The following SLC5A1 variants were observed in gnomAD, a reference collection of about 807,000 sequenced individuals.
SLC5A1 encodes the protein sodium/glucose cotransporter 1.
Under a neutral mutation model 73.5 loss-of-function variants are expected in SLC5A1, and 42 were observed. That is an observed-to-expected ratio of 0.57 (90% CI 0.45 to 0.74). The LOEUF is 0.74. SLC5A1 is among the 30% of genes least tolerant of loss of function. The pLI, the probability that SLC5A1 is intolerant of heterozygous loss-of-function variation, is 0.00. For missense variants in SLC5A1, 634 were observed against 855.4 expected (o/e 0.74, Z 3.23); for synonymous variants, 300 against 317.4 (o/e 0.95, Z 0.58).
At chr22:32,084,768 G>A in intron 8 of SLC5A1, 109 bp downstream of exon 8, 1 of 1,506,996 alleles carries the variant, frequency 6.6e-7, no homozygotes, top group Non-Finnish European at 9.2e-7. Context: ...GAGCTCAGGT[G>A]GTTTGTAAGT....
rs752826438 is a variant in SLC5A1, at chr22:32,091,612, G to T, written c.1130G>T (p.Gly377Val). 1 of 1,613,978 alleles carries T rather than the reference G, an allele frequency of 6.2e-7. No individual in the cohort carries two copies. Among genetic ancestry groups the T allele is most frequent in the Non-Finnish European group, 8.5e-7 (1 of 1,179,962 alleles). ...CCACTCAAAAATCCTTCTCTTCCAG[G>T]ACTGCGAGGCCTGATGCTATCAGTC... ...PTLVVELMPN[G>V]LRGLMLSVML... is the part of the protein sequence containing the mutation. The change falls in exon 11 of 15, where the codon GGA becomes GTA. Residue 377 changes from glycine to valine, a missense_variant and splice_region_variant. Physicochemically the swap from Gly to Val is moderately radical, Grantham distance 109. Coordinates refer to ENST00000266088, the MANE Select transcript of SLC5A1 (RefSeq NM_000343.4).
At position 32,091,623 on chromosome 22, in the gene SLC5A1, C is replaced by T; in HGVS notation, c.1141C>T (p.Leu381=). The change falls in exon 11 of 15, where the codon CTG becomes TTG. Residue 381 remains leucine, a synonymous_variant. Coordinates refer to ENST00000266088, the MANE Select transcript of SLC5A1 (RefSeq NM_000343.4). ...TCCTTCTCTTCCAGGACTGCGAGGCCTGATGCTATCAGTCATGCTGGCCTC... is the reference window on the plus strand; with the variant it reads ...TCCTTCTCTTCCAGGACTGCGAGGCTTGATGCTATCAGTCATGCTGGCCTC... ...VELMPNGLRG[L]MLSVMLASLM... is the part of the protein sequence containing the mutation. 1 of 1,614,122 alleles carries T rather than the reference C, an allele frequency of 6.2e-7. No homozygotes were observed. The highest frequency in any genetic ancestry group is 2.2e-5 in the East Asian group (1 of 44,882).
chr22:32,049,093 T>TAA (rs372514908), intron 1 of SLC5A1, among the ~76,000 whole-genome samples: 64,972 of 117,668 alleles, frequency 0.55, 17,992 homozygotes, highest in East Asian at 0.77. Flanking sequence ...AATAAATAAA[T>TAA]ATATATATAT....
At chr22:32,076,556 T>A (rs747724243) in intron 5 of SLC5A1, among the ~76,000 whole-genome samples, 4 of 152,234 alleles carry the variant, frequency 2.6e-5, no homozygotes, top group Non-Finnish European at 5.9e-5. Flanking sequence ...CCATTTTGGA[T>A]CCTTGGGTGA....
At position 32,043,885 on chromosome 22, in the gene SLC5A1, G is replaced by A. The variant is rs890542300; in HGVS notation, c.135+469G>A. 1.3e-5 allele frequency among the ~76,000 whole-genome samples: 2 copies of A among 152,214 alleles called. No homozygotes were observed. The highest frequency in any genetic ancestry group is 2.9e-5 in the Non-Finnish European group (2 of 68,036). ...CCCCAGAGATGGGGATGCTGAGGTG[G>A]CAGACAGAGGGATGCTGACCCATGC... On this transcript the variant is annotated intron_variant, in intron 1 of 14. Transcript: ENST00000266088. This position sits in a 1 kb window ranked among gnomAD's most constrained non-coding sequence, Gnocchi z 6.5.
At position 32,043,363 on chromosome 22, in the gene SLC5A1, G is replaced by A. The variant is rs121912668; in HGVS notation, c.82G>A (p.Asp28Asn). The A allele has an allele frequency of 1.9e-6, 3 of 1,614,166 alleles. No homozygotes were observed. Among genetic ancestry groups the A allele is most frequent in the African/African-American group, 1.3e-5 (1 of 75,058 alleles). ...ETHELIRNAA[D>N]ISIIVIYFVV... ...CCACGAGCTCATTCGCAATGCAGCC[G>A]ATATCTCCATCATCGTTATCTACTT... Residue 28 changes from aspartate to asparagine, a missense_variant, in exon 1 of 15, where the codon GAT becomes AAT. This residue lies in a region of SLC5A1 where 51 missense variants were observed against 50.5 expected (regional missense o/e 1.01). Transcript: ENST00000266088. This position sits in a 1 kb window ranked among gnomAD's most constrained non-coding sequence, Gnocchi z 6.5.
In SLC5A1 at chr22:32,084,966, G is replaced by A. The variant is rs371505974; in HGVS notation, c.952G>A (p.Gly318Arg). The A allele has an allele frequency of 1.2e-6, 2 of 1,614,144 alleles. No individual in the cohort carries two copies. Among genetic ancestry groups the A allele is most frequent in the Non-Finnish European group, 1.7e-6 (2 of 1,179,996 alleles). Residue 318 changes from glycine to arginine, a missense_variant, in exon 9 of 15, where the codon GGG becomes AGG. Coordinates refer to ENST00000266088, the MANE Select transcript of SLC5A1 (RefSeq NM_000343.4). ...SHVKGGCILC[G>R]YLKLMPMFIM... ...CGTGAAGGGTGGCTGCATCCTGTGT[G>A]GGTATCTAAAGCTGATGCCCATGTT... is the stretch of plus-strand genomic sequence containing the variant.
intron 2 of SLC5A1, among the ~76,000 whole-genome samples, chr22:32,056,971 A>G (rs563065090): frequency 6.6e-6 from 1 of 152,350 alleles, no homozygotes; most frequent in South Asian, 2.1e-4. Context: ...TCACATCATT[A>G]AAGTCCAGTA....
At chr22:32,090,652 CAT>C (rs2094015668) in intron 10 of SLC5A1, among the ~76,000 whole-genome samples, 1 of 150,628 alleles carries the variant, frequency 6.6e-6, no homozygotes, top group Non-Finnish European at 1.5e-5. Flanking sequence ...TTTGAGTGGA[CAT>C]ATGTTTTCAT....
At chr22:32,108,171 A>G (rs1250960348) in intron 14 of SLC5A1, among the ~76,000 whole-genome samples, 2 of 151,700 alleles carry the variant, frequency 1.3e-5, no homozygotes, top group Non-Finnish European at 2.9e-5. Flanking sequence ...CAGTGGCACA[A>G]TATCGGCTCA....
chr22:32,089,878 T>C (rs540255806), intron 10 of SLC5A1, among the ~76,000 whole-genome samples: 1 of 152,318 alleles, frequency 6.6e-6, no homozygotes, highest in Non-Finnish European at 1.5e-5. Flanking sequence ...GGTGTCCCCC[T>C]GTACACTCCT....
intron 1 of SLC5A1, among the ~76,000 whole-genome samples, chr22:32,045,107 G>C (rs567318100): frequency 6.6e-6 from 1 of 152,252 alleles, no homozygotes; most frequent in East Asian, 1.9e-4. Context: ...TATGGTACCA[G>C]GCACTCTGCC....
intron 1 of SLC5A1, among the ~76,000 whole-genome samples, chr22:32,045,513 C>T (rs935257902): frequency 6.6e-6 from 1 of 152,340 alleles, no homozygotes; most frequent in Non-Finnish European, 1.5e-5. Context: ...GGTGGCCACT[C>T]TGACTCCTTC....
chr22:32,104,650 CGTT>C (rs2094041944), intron 13 of SLC5A1, 133 bp from the exon 14 acceptor site: 1 of 709,164 alleles, frequency 1.4e-6, no homozygotes, highest in Non-Finnish European at 2.6e-6. Flanking sequence ...GGATGAGAAT[CGTT>C]GTGTATGTTC....
Position 32,099,319 on chromosome 22 carries a change from C to G in SLC5A1, c.1417C>G (p.Leu473Val). Residue 473 changes from leucine to valine, a missense_variant, in exon 12 of 15, where the codon CTT becomes GTT. Coordinates refer to ENST00000266088, the MANE Select transcript of SLC5A1 (RefSeq NM_000343.4). ...ACCACCCATTGCGGCTGTCTTCCTG[C>G]TTGCTATTTTCTGGAAGAGAGTCAA... ...LGPPIAAVFL[L>V]AIFWKRVNEP... 4 of 1,613,240 alleles carry G rather than the reference C, an allele frequency of 2.5e-6. No homozygotes were observed. Among genetic ancestry groups the G allele is most frequent in the Non-Finnish European group, 3.4e-6 (4 of 1,179,662 alleles).
At chr22:32,051,625 C>T (rs2093945181) in intron 2 of SLC5A1, among the ~76,000 whole-genome samples, 1 of 152,080 alleles carries the variant, frequency 6.6e-6, no homozygotes, top group Admixed American at 6.5e-5. Context: ...TACTGCCTTC[C>T]AGCCTGGGGG....
chr22:32,092,232 A>G (rs751444180), intron 11 of SLC5A1, among the ~76,000 whole-genome samples: 9 of 152,332 alleles, frequency 5.9e-5, no homozygotes, highest in South Asian at 2.1e-4. Flanking sequence ...TTCACTTAGA[A>G]TAATAGTCTC....
chr22:32,061,664 C>T (rs2093963253), intron 2 of SLC5A1, among the ~76,000 whole-genome samples: 1 of 152,108 alleles, frequency 6.6e-6, no homozygotes, highest in Non-Finnish European at 1.5e-5. Flanking sequence ...AACAGAGAGG[C>T]AGATTCTTTA....
intron 14 of SLC5A1, among the ~76,000 whole-genome samples, chr22:32,106,222 G>C (rs947078362): frequency 1.3e-5 from 2 of 152,168 alleles, no homozygotes; most frequent in African/African-American, 4.8e-5. Context: ...ATCCTCACCA[G>C]CATTTGTTAT....
Sources: gnomAD v4.1 joint callset for allele counts (sites outside exome capture counted in the v4.1 genomes callset) on GRCh38, gnomAD v4.1.1 for gene constraint, gnomAD v4.1.1 regional missense constraint, Gnocchi (gnomAD v3.1) non-coding constraint, MANE v1.5 for transcripts, NCBI Gene and HGNC (gene_info 2026-07-23, HGNC 2026-07-21) for gene names.